The following RORA variants were observed in gnomAD, a reference collection of about 807,000 sequenced individuals.
The protein encoded by RORA is RAR related orphan receptor A.
RORA carries 7 observed loss-of-function variants against 69.5 expected under a neutral mutation model. That is an observed-to-expected ratio of 0.10 (90% confidence interval 0.06 to 0.19). The LOEUF is 0.19. RORA is among the 10% of genes least tolerant of loss of function. The probability of loss-of-function intolerance (pLI) is 1.00; values close to 1 mark genes in which losing one functional copy is unlikely to be tolerated. For synonymous variants in RORA, 261 were observed against 240.8 expected (o/e 1.08, Z -0.78); for missense variants, 457 against 663.0 (o/e 0.69, Z 3.41).
intron 1 of RORA, among the ~76,000 whole-genome samples, chr15:60,960,734 C>G (rs1389668966): frequency 6.6e-6 from 1 of 151,894 alleles, no homozygotes; most frequent in African/African-American, 2.4e-5. Flanking sequence ...CCTCCAAAGG[C>G]TGGCTTCACT....
chr15:60,769,317 A>C, intron 1 of RORA, among the ~76,000 whole-genome samples: 1 of 152,228 alleles, frequency 6.6e-6, no homozygotes, highest in East Asian at 1.9e-4. Context: ...AAAACCTGTT[A>C]ACTCTTTTTG....
At chr15:60,719,170 TATTA>T (rs1375480099) in intron 1 of RORA, among the ~76,000 whole-genome samples, 1 of 142,010 alleles carries the variant, frequency 7.0e-6, no homozygotes, top group South Asian at 2.3e-4. Flanking sequence ...ATTAAAGAAT[TATTA>T]ATTTTCTTTT....
intron 1 of RORA, among the ~76,000 whole-genome samples, chr15:61,110,269 A>G (rs1374361043): frequency 1.3e-5 from 2 of 152,018 alleles, no homozygotes; most frequent in African/African-American, 4.8e-5. Context: ...GGTGGTGCAC[A>G]CCTGTAGTCC....
chr15:60,895,285 T>G (rs184705564), intron 1 of RORA, among the ~76,000 whole-genome samples: 297 of 152,286 alleles, frequency 2.0e-3, no homozygotes, highest in Non-Finnish European at 3.8e-3. Context: ...CGGATTCACT[T>G]GCTATTTTGG....
At chr15:61,019,417 C>T (rs1028140613) in intron 1 of RORA, among the ~76,000 whole-genome samples, 3 of 152,106 alleles carry the variant, frequency 2.0e-5, no homozygotes, top group Non-Finnish European at 4.4e-5. Context: ...TGTTGTCAGT[C>T]GATGATTATC....
chr15:60,775,397 G>A (rs1005362477), intron 1 of RORA, among the ~76,000 whole-genome samples: 1 of 152,118 alleles, frequency 6.6e-6, no homozygotes, highest in Non-Finnish European at 1.5e-5. Context: ...AATTTGCGTG[G>A]GGGTTCTCTT....
At chr15:60,679,521 C>T (rs567416779) in intron 1 of RORA, among the ~76,000 whole-genome samples, 5 of 152,240 alleles carry the variant, frequency 3.3e-5, no homozygotes, top group African/African-American at 9.6e-5. Flanking sequence ...TCTTGGGAGA[C>T]GTTCTTGAGA....
At chr15:61,146,405 TAAGA>T (rs966629222) in intron 1 of RORA, among the ~76,000 whole-genome samples, 11 of 152,088 alleles carry the variant, frequency 7.2e-5, no homozygotes, top group Admixed American at 5.2e-4. Context: ...TTTAAAACTC[TAAGA>T]AAGGGAAATG....
chr15:60,628,447 C>T (rs972786601), intron 2 of RORA, among the ~76,000 whole-genome samples: 132 of 152,244 alleles, frequency 8.7e-4, no homozygotes, highest in African/African-American at 3.0e-3. Flanking sequence ...ATCGCTGCTG[C>T]CTCAAACTCC....
intron 1 of RORA, among the ~76,000 whole-genome samples, chr15:61,001,294 C>T (rs947333979): frequency 1.3e-5 from 2 of 152,206 alleles, no homozygotes; most frequent in African/African-American, 4.8e-5. Context: ...ATAAAAAGGT[C>T]ATTAATAACT....
intron 1 of RORA, among the ~76,000 whole-genome samples, chr15:61,101,216 G>C (rs1318014497): frequency 6.6e-6 from 1 of 152,134 alleles, no homozygotes; most frequent in East Asian, 1.9e-4. Flanking sequence ...GAACAAAACA[G>C]ACATGGCCCC....
chr15:61,132,827 T>C (rs962737709), intron 1 of RORA, among the ~76,000 whole-genome samples: 1 of 152,210 alleles, frequency 6.6e-6, no homozygotes, highest in Non-Finnish European at 1.5e-5. Context: ...ATTTGCTTGG[T>C]ACATTTATAT....
chr15:61,076,034 G>A (rs954910735), intron 1 of RORA, among the ~76,000 whole-genome samples: 3 of 152,108 alleles, frequency 2.0e-5, no homozygotes, highest in African/African-American at 7.2e-5. Context: ...CTTAGTCCCC[G>A]CCCTCTAGCC....
intron 2 of RORA, among the ~76,000 whole-genome samples, chr15:60,577,246 T>C (rs1226538255): frequency 6.6e-6 from 1 of 152,240 alleles, no homozygotes; most frequent in Non-Finnish European, 1.5e-5. Context: ...CTTCTATTGT[T>C]ACCTTGTGCT....
At chr15:60,931,151 G>A (rs17204684) in intron 1 of RORA, among the ~76,000 whole-genome samples, 32,590 of 152,144 alleles carry the variant, frequency 0.21, 4,515 homozygotes, top group Non-Finnish European at 0.3. Flanking sequence ...GGAAAGAGAA[G>A]GTGAGTCTGC....
intron 1 of RORA, among the ~76,000 whole-genome samples, chr15:60,738,127 G>T (rs527834199): frequency 6.6e-6 from 1 of 152,202 alleles, no homozygotes; most frequent in Non-Finnish European, 1.5e-5. Flanking sequence ...GAAGCAAGCA[G>T]TTCCACAAGG....
At position 61,085,467 on chromosome 15, in the gene RORA, T is replaced by G. The variant is rs369212316; in HGVS notation, c.166+143586A>C. On this transcript the variant is annotated intron_variant, in intron 1 of 10. Coordinates refer to ENST00000335670, the MANE Select transcript of RORA (RefSeq NM_134261.3). ...TCTCACATTTCACTATGCACAGTCATCATCCGAAGACCTTGTTATAACAGA... is the reference window on the plus strand; with the variant it reads ...TCTCACATTTCACTATGCACAGTCAGCATCCGAAGACCTTGTTATAACAGA... 3.3e-5 allele frequency among the ~76,000 whole-genome samples: 5 copies of G among 152,230 alleles called. No individual in the cohort carries two copies. In the South Asian group the frequency reaches 8.3e-4, roughly 25 times the overall value.
At chr15:60,878,566 A>G (rs921584160) in intron 1 of RORA, among the ~76,000 whole-genome samples, 8 of 152,164 alleles carry the variant, frequency 5.3e-5, no homozygotes, top group Admixed American at 2.6e-4. Flanking sequence ...CTCGCCCTGC[A>G]GTGGCTGAGT....
rs539415816 is a variant in RORA at position 60,718,707 on chromosome 15, C to A, written c.167-40021G>T. Reference sequence around the variant, plus strand: ...ATTCATCTAACCATCCATGTCTTGACCTCTTTCTAACCCAAAGTACAAAAC... The same window carrying A: ...ATTCATCTAACCATCCATGTCTTGAACTCTTTCTAACCCAAAGTACAAAAC... On this transcript the variant is annotated intron_variant, in intron 1 of 10. Coordinates refer to ENST00000335670, the MANE Select transcript of RORA (RefSeq NM_134261.3). Among the ~76,000 whole-genome samples the A allele has an allele frequency of 3.9e-5, 6 of 152,256 alleles. No homozygotes were observed. The East Asian group carries it at 9.7e-4, about 25-fold the overall frequency.
Sources: allele counts gnomAD v4.1 joint callset (sites outside exome capture counted in the v4.1 genomes callset), GRCh38; gene constraint gnomAD v4.1.1; transcripts MANE v1.5; gene names NCBI Gene and HGNC (gene_info 2026-07-23, HGNC 2026-07-21).